ENTPD3: variants seen among roughly 807,000 people sequenced by gnomAD.
ENTPD3 encodes ectonucleoside triphosphate diphosphohydrolase 3, also known as CD39 antigen-like 3.
A neutral mutation model predicts 51.2 loss-of-function variants in ENTPD3; 60 were observed. That is an observed-to-expected ratio of 1.17 (90% CI 0.95 to 1.45). The LOEUF (loss-of-function observed/expected upper bound fraction) is 1.45. ENTPD3 is among the 40% of genes most tolerant of loss of function. The pLI, the probability that ENTPD3 is intolerant of heterozygous loss-of-function variation, is 0.00. For synonymous variants in ENTPD3, 221 were observed against 238.4 expected (o/e 0.93, Z 0.67); for missense variants, 593 against 641.1 (o/e 0.93, Z 0.81).
rs1956015569 is a variant in ENTPD3 at position 40,427,990 on chromosome 3, C to G, written c.*482C>G. On this transcript the variant is annotated 3_prime_UTR_variant, in exon 11 of 11. Transcript: ENST00000301825. Reference sequence around the variant, plus strand: ...GTAGCAATCTCGTAAGCAGTGAACCCCCTCAGATCAGTAGAATATAGTATC... The same window carrying G: ...GTAGCAATCTCGTAAGCAGTGAACCGCCTCAGATCAGTAGAATATAGTATC... 5.5e-6 allele frequency: 1 copy of G among 180,818 alleles called. No individual in the cohort carries two copies. Among genetic ancestry groups the G allele is most frequent in the South Asian group, 1.2e-4 (1 of 8,670 alleles). 11.2% of individuals were successfully genotyped at this position (180,818 alleles called of 1,614,324 possible).
chr3:40,399,222 T>C (rs561542583), intron 3 of ENTPD3, among the ~76,000 whole-genome samples: 3 of 152,150 alleles, frequency 2.0e-5, no homozygotes, highest in Non-Finnish European at 4.4e-5. Context: ...TCCAGATACA[T>C]ATATACATAT....
chr3:40,400,925 G>A lies in ENTPD3; in HGVS notation c.200G>A (p.Arg67Lys), dbSNP rs916765127. Reference protein sequence around the residue: ...YGIVLDAGSSRTTVYVYQWPA... With the variant: ...YGIVLDAGSSKTTVYVYQWPA... ...ATTGTGCTGGATGCCGGGTCTTCAA[G>A]AACCACAGTCTACGTGTATCAATGG... The change falls in exon 4 of 11, where the codon AGA becomes AAA. Residue 67 changes from arginine to lysine, a missense_variant. Coordinates refer to ENST00000301825, the MANE Select transcript of ENTPD3 (RefSeq NM_001248.4). The A allele has an allele frequency of 6.2e-7, 1 of 1,613,744 alleles. No homozygotes were observed. Among genetic ancestry groups the A allele is most frequent in the South Asian group, 1.1e-5 (1 of 91,048 alleles).
chr3:40,416,218 G>C (rs116561910), intron 7 of ENTPD3, 145 bp downstream of exon 7: 1 of 622,974 alleles, frequency 1.6e-6, no homozygotes, highest in Admixed American at 2.7e-5. Context: ...TACTCCTGGG[G>C]GTCCAAGTCC....
chr3:40,388,583 CAG>C lies in ENTPD3; in HGVS notation c.40+488_40+489del, dbSNP rs781353184. On this transcript the variant is annotated intron_variant, in intron 2 of 10. Transcript: ENST00000301825. The stretch of plus-strand genomic sequence containing the variant: ...TCTCACACTGGAAGGCACACACACA[CAG>C]ACACACACACACACACACACACACA... Among the ~76,000 whole-genome samples, 506 of 64,984 alleles carry C rather than the reference CAG, an allele frequency of 7.8e-3. 4 individuals carry two copies. Among genetic ancestry groups the C allele is most frequent in the South Asian group, 0.017 (19 of 1,136 alleles). The allele number at this position is 64,984 out of a possible 152,430, so 42.6% of individuals were successfully genotyped here. A position where few individuals can be genotyped will look rare whatever the true frequency, so the allele number is the denominator to read the frequency against.
chr3:40,400,131 G>C (rs1236267324), intron 3 of ENTPD3, among the ~76,000 whole-genome samples: 1 of 152,098 alleles, frequency 6.6e-6, no homozygotes, highest in South Asian at 2.1e-4. Flanking sequence ...CAGGGATGGT[G>C]GTGGGCACCT....
Position 40,411,925 on chromosome 3 carries a change from A to G in ENTPD3, c.400A>G (p.Ile134Val), listed in dbSNP as rs768717238. The change falls in exon 5 of 11, where the codon ATT (isoleucine) becomes GTT (valine). Residue 134 changes from isoleucine to valine, a missense_variant. Coordinates refer to ENST00000301825, the MANE Select transcript of ENTPD3 (RefSeq NM_001248.4). The stretch of plus-strand genomic sequence containing the variant: ...ATCCCACCTCCACGGATCCACCCCC[A>G]TTCACCTGGGAGCCACGGCTGGGAT... ...VPSHLHGSTP[I>V]HLGATAGMRL... The G allele has an allele frequency of 3.7e-5, 60 of 1,611,804 alleles. No homozygotes were observed. The South Asian group carries it at 6.5e-4, about 18-fold the overall frequency.
At chr3:40,397,922 G>A (rs975999223) in intron 3 of ENTPD3, among the ~76,000 whole-genome samples, 5 of 151,980 alleles carry the variant, frequency 3.3e-5, no homozygotes, top group Non-Finnish European at 7.4e-5. Flanking sequence ...CTTTTTATCC[G>A]AACATCACCT....
In ENTPD3 at chr3:40,422,881, C is replaced by T. The variant is rs144967530; in HGVS notation, c.863C>T (p.Pro288Leu). The change falls in exon 8 of 11, where the codon CCC becomes CTC. Residue 288 changes from proline (P) to leucine (L), a missense_variant. Transcript: ENST00000301825. The stretch of plus-strand genomic sequence containing the variant: ...CCTACCAAAAACCATCTCACCAATC[C>T]CTGTTACCCTCGGGATTATAGCATC... ...NSPTKNHLTN[P>L]CYPRDYSISF... The T allele has an allele frequency of 3.5e-4, 570 of 1,613,484 alleles. 2 individuals are homozygous for T. In the Middle Eastern group the frequency reaches 7.4e-3, roughly 21 times the overall value.
chr3:40,406,542 G>T (rs1188447170), intron 4 of ENTPD3, among the ~76,000 whole-genome samples: 1 of 152,244 alleles, frequency 6.6e-6, no homozygotes, highest in East Asian at 1.9e-4. Flanking sequence ...AAGATTGGAA[G>T]CAAGGACACC....
chr3:40,407,255 T>C (rs1023825788), intron 4 of ENTPD3, among the ~76,000 whole-genome samples: 5 of 152,090 alleles, frequency 3.3e-5, no homozygotes, highest in African/African-American at 9.7e-5. Context: ...TTGTGGGTCA[T>C]ATGGTCTCTG....
intron 4 of ENTPD3, among the ~76,000 whole-genome samples, chr3:40,401,645 T>C (rs556999761): frequency 1.4e-4 from 22 of 152,350 alleles, no homozygotes; most frequent in African/African-American, 5.0e-4. Context: ...CAAATGGACA[T>C]GGCTCTGTTC....
intron 4 of ENTPD3, among the ~76,000 whole-genome samples, chr3:40,402,111 C>CTTTTTTTTTTTTTATTTT: frequency 1.0e-5 from 1 of 97,322 alleles, no homozygotes; most frequent in East Asian, 2.9e-4. Flanking sequence ...ATTTCCTTTC[C>CTTTTTTTTTTTTTATTTT]TTTTTTTTTT....
intron 4 of ENTPD3, among the ~76,000 whole-genome samples, chr3:40,406,473 G>A (rs1227548119): frequency 1.3e-5 from 2 of 152,196 alleles, no homozygotes; most frequent in African/African-American, 2.4e-5. Context: ...GAACTAATAC[G>A]ATATGACTTC....
In ENTPD3 at chr3:40,405,945, ATACGAACTGTTCT is replaced by A. The variant is rs545021893; in HGVS notation, c.286+4936_286+4948del. ...ATATGTATTAGGTGCCTGCTGTTTG[ATACGAACTGTTCT>A]TGGCACCAGGAATTCAGAAATAAAC... On this transcript the variant is annotated intron_variant, in intron 4 of 10. Coordinates refer to ENST00000301825, the MANE Select transcript of ENTPD3 (RefSeq NM_001248.4). 6.6e-5 allele frequency among the ~76,000 whole-genome samples: 10 copies of A among 152,328 alleles called. No homozygotes were observed. In the South Asian group the frequency reaches 2.1e-3, roughly 32 times the overall value.
rs531053650 is a variant in ENTPD3 at position 40,414,925 on chromosome 3, T to C, written c.597+85T>C. 13 of 1,360,736 alleles carry C rather than the reference T, an allele frequency of 9.6e-6. No homozygotes were observed. The East Asian group carries it at 3.0e-4, about 31-fold the overall frequency. 84.3% of individuals were successfully genotyped at this position (1,360,736 alleles called of 1,614,324 possible). On this transcript the variant is annotated intron_variant, in intron 6 of 10. Transcript: ENST00000301825. ...ATAGCCTAAGTAGAGGTACATGCCA[T>C]CAGGGATATCTGCCCTGTATCACTC...
chr3:40,393,753 AGCTCCAG>A (rs1163308300), intron 3 of ENTPD3, among the ~76,000 whole-genome samples: 1 of 152,214 alleles, frequency 6.6e-6, no homozygotes, highest in Non-Finnish European at 1.5e-5. Flanking sequence ...TGTTTTCCCA[AGCTCCAG>A]GCACTGCCTT....
rs926331300 is a variant in ENTPD3 at position 40,421,317 on chromosome 3, C to A, written c.832-1533C>A. ...GGGATTACAGATGTGAGCCATCACA[C>A]CCAGCCAAAAGAAAAGATTTTACTG... On this transcript the variant is annotated intron_variant, in intron 7 of 10. Coordinates refer to ENST00000301825, the MANE Select transcript of ENTPD3 (RefSeq NM_001248.4). 3.3e-5 allele frequency among the ~76,000 whole-genome samples: 5 copies of A among 152,252 alleles called. No individual in the cohort carries two copies. The South Asian group carries it at 6.2e-4, about 19-fold the overall frequency.
intron 7 of ENTPD3, among the ~76,000 whole-genome samples, chr3:40,421,411 G>C (rs899869095): frequency 6.6e-6 from 1 of 152,114 alleles, no homozygotes; most frequent in Non-Finnish European, 1.5e-5. Flanking sequence ...AGAAAAGAGA[G>C]TTCATAAATT....
At position 40,405,504 on chromosome 3, in the gene ENTPD3, CA is replaced by C. The variant is rs11415995; in HGVS notation, c.286+4505del. ...TGGGTGACAGAGCGAGACTTCATTT[CA>C]AAAAAAAAAAATCATTTGCCAATAG... On this transcript the variant is annotated intron_variant, in intron 4 of 10. Coordinates refer to ENST00000301825, the MANE Select transcript of ENTPD3 (RefSeq NM_001248.4). Among the ~76,000 whole-genome samples the C allele has an allele frequency of 4.8e-3, 707 of 147,036 alleles. 3 individuals carry two copies. Among genetic ancestry groups the C allele is most frequent in the African/African-American group, 0.014 (559 of 40,152 alleles).
Sources: allele counts gnomAD v4.1 joint callset (sites outside exome capture counted in the v4.1 genomes callset), GRCh38; gene constraint gnomAD v4.1.1; transcripts MANE v1.5; gene names NCBI Gene and HGNC (gene_info 2026-07-23, HGNC 2026-07-21).